Variants in TADA1 observed in about 807,000 individuals in gnomAD.
TADA1 encodes the protein transcriptional adapter 1.
A neutral mutation model predicts 39.3 loss-of-function variants in TADA1; 23 were observed. The observed-to-expected ratio is 0.58, with a 90% confidence interval of 0.42 to 0.83. TADA1 has a LOEUF of 0.83. Ranked by LOEUF, TADA1 falls within the 40% of genes least tolerant of loss-of-function variation. The pLI, the probability that TADA1 is intolerant of heterozygous loss-of-function variation, is 0.00. For synonymous variants in TADA1, 137 were observed against 151.8 expected (o/e 0.90, Z 0.72); for missense variants, 352 against 408.1 (o/e 0.86, Z 1.18).
intron 6 of TADA1, 22 bp from the exon 7 acceptor site, chr1:166,858,303 A>G: frequency 1.3e-6 from 2 of 1,520,768 alleles, no homozygotes; most frequent in Non-Finnish European, 1.8e-6. Context: ...AATTTCAGAA[A>G]TAGTCCCAGC....
At chr1:166,860,132 G>T in intron 6 of TADA1, 54 bp downstream of exon 6, 1 of 1,513,926 alleles carries the variant, frequency 6.6e-7, no homozygotes, top group South Asian at 1.3e-5. Flanking sequence ...TCTATAAGAG[G>T]AGTATAAACA....
Position 166,876,236 on chromosome 1 carries a change from C to A in TADA1, c.-3G>T, listed in dbSNP as rs1331479246. 9 of 1,612,844 alleles carry A rather than the reference C, an allele frequency of 5.6e-6. No homozygotes were observed. Among genetic ancestry groups the A allele is most frequent in the Non-Finnish European group, 6.8e-6 (8 of 1,179,602 alleles). On this transcript the variant is annotated 5_prime_UTR_variant, in exon 1 of 8. Transcript: ENST00000367874. ...AGCTCGCTCACAAAGGTCGCCATTG[C>A]TCCGCGTGTCTCAGCCCGACCGCAG...
intron 6 of TADA1, among the ~76,000 whole-genome samples, chr1:166,858,485 T>C (rs983397603): frequency 5.3e-5 from 8 of 152,214 alleles, no homozygotes; most frequent in African/African-American, 9.6e-5. Flanking sequence ...TTACCCTCCT[T>C]CTTCCACAAT....
intron 3 of TADA1, among the ~76,000 whole-genome samples, chr1:166,864,964 G>C (rs1244555093): frequency 6.6e-6 from 1 of 152,152 alleles, no homozygotes; most frequent in African/African-American, 2.4e-5. Context: ...CTTCCTGTCA[G>C]CTTACTCTAA....
At position 166,856,756 on chromosome 1, in the gene TADA1, A is replaced by G. The variant is rs968894655; in HGVS notation, c.*811T>C. The G allele has an allele frequency of 1.3e-5, 2 of 152,680 alleles. No homozygotes were observed. The highest frequency in any genetic ancestry group is 1.3e-4 in the Admixed American group (2 of 15,284). 9.5% of individuals were successfully genotyped at this position (152,680 alleles called of 1,614,324 possible). A position where few individuals can be genotyped will look rare whatever the true frequency, so the allele number is the denominator to read the frequency against. ...CACTTCATCACTTGAAACGGTAGAA[A>G]TAGGTACCTCCTAGAAACTGGAGAA... On this transcript the variant is annotated 3_prime_UTR_variant, in exon 8 of 8. Coordinates refer to ENST00000367874, the MANE Select transcript of TADA1 (RefSeq NM_053053.4).
intron 5 of TADA1, among the ~76,000 whole-genome samples, chr1:166,860,710 C>T (rs1658387371): frequency 6.6e-6 from 1 of 152,096 alleles, no homozygotes; most frequent in Non-Finnish European, 1.5e-5. Context: ...TGCTCTATTG[C>T]CCAGGCTGGA....
At chr1:166,876,111 G>A (rs1399195315) in intron 1 of TADA1, 49 bp downstream of exon 1, 3 of 1,565,324 alleles carry the variant, frequency 1.9e-6, no homozygotes, top group African/African-American at 1.4e-5. Flanking sequence ...CCCGAGGCCA[G>A]GAGAGCACCC....
chr1:166,865,096 T>A (rs200909817), intron 3 of TADA1, among the ~76,000 whole-genome samples: 3 of 150,258 alleles, frequency 2.0e-5, no homozygotes, highest in African/African-American at 2.4e-5. Context: ...AAAATAAAAA[T>A]AAAAAAAAAG....
intron 1 of TADA1, among the ~76,000 whole-genome samples, chr1:166,872,141 T>C (rs1344928827): frequency 2.0e-5 from 3 of 152,264 alleles, no homozygotes; most frequent in East Asian, 1.9e-4. Context: ...AATACTGCTA[T>C]AGTTTGGATA....
rs944694873 is a variant in TADA1 at position 166,858,141 on chromosome 1, T to C, written c.833A>G (p.Tyr278Cys). The C allele has an allele frequency of 3.8e-5, 62 of 1,614,040 alleles. No individual in the cohort carries two copies. Among genetic ancestry groups the C allele is most frequent in the Non-Finnish European group, 5.1e-5 (60 of 1,180,028 alleles). The change falls in exon 7 of 8, where the codon TAC (tyrosine) becomes TGC (cysteine). Residue 278 changes from tyrosine (Y) to cysteine (C), a missense_variant. By Grantham distance (194) the Tyr-to-Cys change is radical. Around this residue, in one of 3 missense-constraint regions of TADA1, gnomAD observed 285 missense variants for 310.9 expected, o/e 0.92. Coordinates refer to ENST00000367874, the MANE Select transcript of TADA1 (RefSeq NM_053053.4). ...LPASLPPVNMYDLFEALQVHR... is the reference protein window; with the variant it reads ...LPASLPPVNMCDLFEALQVHR... ...TACCTGCAAAGCTTCAAAAAGATCG[T>C]ACATGTTCACCGGAGGCAAAGATGC...
intron 6 of TADA1, among the ~76,000 whole-genome samples, chr1:166,859,667 T>C (rs1221541985): frequency 4.6e-5 from 7 of 151,954 alleles, no homozygotes; most frequent in Non-Finnish European, 1.0e-4. Flanking sequence ...TGAGAGACCA[T>C]GTCTGCACAG....
At chr1:166,875,154 C>A (rs1311958129) in intron 1 of TADA1, among the ~76,000 whole-genome samples, 1 of 152,208 alleles carries the variant, frequency 6.6e-6, no homozygotes, top group Non-Finnish European at 1.5e-5. Context: ...CATCTAGCAG[C>A]AACAACACAG....
intron 3 of TADA1, among the ~76,000 whole-genome samples, chr1:166,866,086 G>A (rs984893690): frequency 2.0e-4 from 31 of 152,196 alleles, no homozygotes; most frequent in African/African-American, 6.5e-4. Flanking sequence ...GAAACTGGAT[G>A]CCAAGTGATG....
chr1:166,873,338 T>C (rs1172716344), intron 1 of TADA1, among the ~76,000 whole-genome samples: 2 of 152,198 alleles, frequency 1.3e-5, no homozygotes, highest in East Asian at 3.8e-4. Context: ...CAGGCACCTA[T>C]TTGAACATGG....
Position 166,869,747 on chromosome 1 carries a change from C to T in TADA1, c.166+16G>A. On this transcript the variant is annotated intron_variant, in intron 2 of 7. Coordinates refer to ENST00000367874, the MANE Select transcript of TADA1 (RefSeq NM_053053.4). ...ACTACAGAATAGTAAAATAACTCTG[C>T]AGATAATTATTTTACCATTATCCTG... 6.3e-7 allele frequency: 1 copy of T among 1,579,300 alleles called. No homozygotes were observed. The highest frequency in any genetic ancestry group is 8.7e-7 in the Non-Finnish European group (1 of 1,149,296).
At chr1:166,870,222 T>C (rs1368939211) in intron 1 of TADA1, among the ~76,000 whole-genome samples, 1 of 152,214 alleles carries the variant, frequency 6.6e-6, no homozygotes, top group Non-Finnish European at 1.5e-5. Flanking sequence ...ATTGGGCCTT[T>C]AAATAGTAAT....
chr1:166,860,405 A>C, intron 5 of TADA1, 68 bp from the exon 6 acceptor site: 1 of 1,463,302 alleles, frequency 6.8e-7, no homozygotes, highest in Non-Finnish European at 9.3e-7. Flanking sequence ...ACTTCCACTG[A>C]CCAAAAAACA....
intron 3 of TADA1, among the ~76,000 whole-genome samples, chr1:166,867,649 A>G (rs1051517539): frequency 6.6e-6 from 1 of 151,882 alleles, no homozygotes; most frequent in African/African-American, 2.4e-5. Context: ...CCGTGGCACA[A>G]TGTAACCTCT....
At chr1:166,875,778 G>A (rs1658749950) in intron 1 of TADA1, among the ~76,000 whole-genome samples, 1 of 152,190 alleles carries the variant, frequency 6.6e-6, no homozygotes. Flanking sequence ...CCTGCGCTAT[G>A]CCCTCTGGCT....
Sources: gnomAD v4.1 joint callset for allele counts (sites outside exome capture counted in the v4.1 genomes callset) on GRCh38, gnomAD v4.1.1 for gene constraint, gnomAD v4.1.1 regional missense constraint, MANE v1.5 for transcripts, NCBI Gene and HGNC (gene_info 2026-07-23, HGNC 2026-07-21) for gene names.